IQSEC3: variants seen among roughly 807,000 people sequenced by gnomAD.
IQSEC3 encodes the protein IQ motif and Sec7 domain ArfGEF 3.
Under a neutral mutation model 105.4 loss-of-function variants are expected in IQSEC3, and 50 were observed. That is an observed-to-expected ratio of 0.47 (90% confidence interval 0.38 to 0.60). The LOEUF is 0.60. IQSEC3 is among the 20% of genes least tolerant of loss of function. The pLI is 0.00. For missense variants in IQSEC3, 1,415 were observed against 1,630.0 expected (o/e 0.87, Z 2.27); for synonymous variants, 708 against 746.0 (o/e 0.95, Z 0.83).
intron 2 of IQSEC3, among the ~76,000 whole-genome samples, chr12:124,620 C>T (rs57179192): frequency 2.0e-5 from 3 of 151,988 alleles, no homozygotes; most frequent in South Asian, 2.1e-4. Flanking sequence ...GTGTTAACCA[C>T]GATGACTCTC....
At chr12:125,405 C>T (rs1014458350) in intron 2 of IQSEC3, among the ~76,000 whole-genome samples, 1 of 152,166 alleles carries the variant, frequency 6.6e-6, no homozygotes, top group African/African-American at 2.4e-5. Context: ...CCATAGCTGC[C>T]CCTTCCCTCT....
chr12:115,525 C>A (rs1312807770), intron 2 of IQSEC3, among the ~76,000 whole-genome samples: 1 of 152,110 alleles, frequency 6.6e-6, no homozygotes, highest in Non-Finnish European at 1.5e-5. Context: ...CTCCAGGGAG[C>A]AATTAGCTCA....
intron 1 of IQSEC3, among the ~76,000 whole-genome samples, chr12:88,220 T>A (rs1555072561): frequency 1.3e-5 from 2 of 152,258 alleles, no homozygotes; most frequent in African/African-American, 4.8e-5. Context: ...GAAGGTTCTG[T>A]GCTCTGCCTT....
chr12:126,587 G>A (rs1555083604), intron 3 of IQSEC3, among the ~76,000 whole-genome samples: 1 of 144,056 alleles, frequency 6.9e-6, no homozygotes, highest in Non-Finnish European at 1.6e-5. Flanking sequence ...TTAGAGAAAG[G>A]TGTGATGGTG....
intron 3 of IQSEC3, among the ~76,000 whole-genome samples, chr12:127,514 T>C (rs1457734383): frequency 6.6e-6 from 1 of 151,500 alleles, no homozygotes; most frequent in African/African-American, 2.4e-5. Flanking sequence ...AGACTCTGTC[T>C]CAAAACAAAA....
chr12:86,210 G>T (rs1863912978), intron 1 of IQSEC3, among the ~76,000 whole-genome samples: 2 of 152,230 alleles, frequency 1.3e-5, no homozygotes, highest in Admixed American at 1.3e-4. Context: ...GCAGAGGCCA[G>T]CAGGGTTGGG....
chr12:69,806 A>G (rs1432185794), intron 1 of IQSEC3, among the ~76,000 whole-genome samples: 3 of 152,248 alleles, frequency 2.0e-5, no homozygotes, highest in Admixed American at 6.5e-5. Context: ...TGCTAATGAC[A>G]TGTTTCGTCC....
chr12:126,511 A>G (rs1195505418), intron 3 of IQSEC3, among the ~76,000 whole-genome samples: 1 of 150,378 alleles, frequency 6.6e-6, no homozygotes, highest in African/African-American at 2.5e-5. Context: ...ATAATGCCTC[A>G]GTTTGTCTTG....
chr12:91,988 G>A (rs1056598813), intron 1 of IQSEC3, among the ~76,000 whole-genome samples: 23 of 151,982 alleles, frequency 1.5e-4, no homozygotes, highest in African/African-American at 4.6e-4. Flanking sequence ...TTCTGAGTGC[G>A]GCAAGCTCCT....
chr12:109,181 T>C (rs2136939405), intron 2 of IQSEC3, among the ~76,000 whole-genome samples: 1 of 152,378 alleles, frequency 6.6e-6, no homozygotes. Flanking sequence ...TTAAAAATCC[T>C]GTTTCACATA....
Position 171,137 on chromosome 12 carries a change from G to C in IQSEC3, c.3090G>C (p.Glu1030Asp), listed in dbSNP as rs782774610. Residue 1030 changes from glutamate to aspartate, a missense_variant, in exon 13 of 14, where the codon GAG (glutamate) becomes GAC (aspartate). Around this residue, in one of 6 missense-constraint regions of IQSEC3, gnomAD observed 419 missense variants for 436.2 expected, o/e 0.96. Transcript: ENST00000538872. ...CCAAAAGGGAAGCCGCGCTCAGGGAGAGGCCGGCGGAGAGCACGGTGGAGG... is the reference window on the plus strand; with the variant it reads ...CCAAAAGGGAAGCCGCGCTCAGGGACAGGCCGGCGGAGAGCACGGTGGAGG... ...PTAKREAALR[E>D]RPAESTVEVS... 6.8e-6 allele frequency: 11 copies of C among 1,614,100 alleles called. No individual in the cohort carries two copies. The South Asian group carries it at 1.2e-4, about 18-fold the overall frequency.
intron 5 of IQSEC3, chr12:143,824 C>T (rs1476844389): frequency 4.0e-5 from 5 of 123,598 alleles, no homozygotes; most frequent in Non-Finnish European, 8.2e-5. Flanking sequence ...ACGCTGGGCA[C>T]CCGTGTGTGT....
At chr12:125,218 C>T (rs1392478895) in intron 2 of IQSEC3, among the ~76,000 whole-genome samples, 1 of 152,208 alleles carries the variant, frequency 6.6e-6, no homozygotes, top group Non-Finnish European at 1.5e-5. Context: ...TTGTAAGTAA[C>T]TTCAGCCGCC....
intron 1 of IQSEC3, among the ~76,000 whole-genome samples, chr12:96,471 G>A (rs2136912626): frequency 6.6e-6 from 1 of 152,338 alleles, no homozygotes; most frequent in East Asian, 1.9e-4. Context: ...ACAGAATGTA[G>A]ATTTTCCCCA....
At chr12:99,723 C>A (rs1034611545) in intron 2 of IQSEC3, among the ~76,000 whole-genome samples, 6 of 152,178 alleles carry the variant, frequency 3.9e-5, no homozygotes, top group Admixed American at 1.3e-4. Flanking sequence ...CGGACTGGAG[C>A]GGGAGTGTTG....
intron 1 of IQSEC3, among the ~76,000 whole-genome samples, chr12:86,195 G>C (rs1247989297): frequency 6.6e-6 from 1 of 152,352 alleles, no homozygotes. Context: ...TCCGGCCTAG[G>C]TGGGGCAGAG....
chr12:163,166 A>G (rs34614835), intron 8 of IQSEC3, among the ~76,000 whole-genome samples: 24,337 of 61,772 alleles, frequency 0.39, 4,428 homozygotes, highest in Admixed American at 0.51. Context: ...CACAAAACCG[A>G]ACCCCTCCCC....
At chr12:115,479 C>A (rs11064555) in intron 2 of IQSEC3, among the ~76,000 whole-genome samples, 10,432 of 152,124 alleles carry the variant, frequency 0.069, 513 homozygotes, top group South Asian at 0.22. Flanking sequence ...CAGGGCTCCG[C>A]GAGGGAGCTA....
chr12:125,977 G>GGGATATCCCCGCGAC (rs1865389717), intron 3 of IQSEC3, 65 bp downstream of exon 3: 1 of 1,471,670 alleles, frequency 6.8e-7, no homozygotes, highest in Admixed American at 2.1e-5. Flanking sequence ...GGGCTGTCGA[G>GGGATATCCCCGCGAC]GGTACCAGGG....
Sources: allele counts gnomAD v4.1 joint callset (sites outside exome capture counted in the v4.1 genomes callset), GRCh38; gene constraint gnomAD v4.1.1; regional missense constraint gnomAD v4.1.1; transcripts MANE v1.5; gene names NCBI Gene and HGNC (gene_info 2026-07-23, HGNC 2026-07-21).